The following ATP8A1 variants were observed in gnomAD, a reference collection of about 807,000 sequenced individuals.
ATP8A1 encodes the protein phospholipid-transporting ATPase IA.
Under a neutral mutation model 177.7 loss-of-function variants are expected in ATP8A1, and 90 were observed. The ratio of observed to expected loss-of-function variants is 0.51; its 90% CI spans 0.43 to 0.60. The LOEUF is 0.60. Ranked by LOEUF, ATP8A1 falls within the 20% of genes least tolerant of loss-of-function variation. The probability of loss-of-function intolerance (pLI) is 0.00; values close to 1 mark genes in which losing one functional copy is unlikely to be tolerated. For synonymous variants in ATP8A1, 493 were observed against 485.9 expected (o/e 1.01, Z -0.19); for missense variants, 1,072 against 1,392.8 (o/e 0.77, Z 3.67).
At chr4:42,517,011 C>G (rs919264416) in intron 22 of ATP8A1, among the ~76,000 whole-genome samples, 3 of 151,962 alleles carry the variant, frequency 2.0e-5, no homozygotes, top group African/African-American at 7.2e-5. Context: ...ATTTAAAAAC[C>G]TGATTTAGGC....
chr4:42,568,783 G>GCT (rs1352942895), intron 15 of ATP8A1, among the ~76,000 whole-genome samples: 1 of 152,090 alleles, frequency 6.6e-6, no homozygotes, highest in Non-Finnish European at 1.5e-5. Flanking sequence ...TCTTTTGGTA[G>GCT]CTCTGTAAAG....
At position 42,623,964 on chromosome 4, in the gene ATP8A1, G is replaced by A. The variant is rs980947165; in HGVS notation, c.363+572C>T. ...TTCCTCAAGTAAGACAGTTAAAATA[G>A]ATATAACAGAAAAAAGGCCTGAATT... is the stretch of plus-strand genomic sequence containing the variant. On this transcript the variant is annotated intron_variant, in intron 4 of 36. Coordinates refer to ENST00000381668, the MANE Select transcript of ATP8A1 (RefSeq NM_006095.2). Among the ~76,000 whole-genome samples, 49 of 151,892 alleles carry A rather than the reference G, an allele frequency of 3.2e-4. 1 individual carries two copies. Among genetic ancestry groups the A allele is most frequent in the Non-Finnish European group, 8.8e-5 (6 of 67,980 alleles).
At chr4:42,508,104 A>G (rs887259430) in intron 22 of ATP8A1, among the ~76,000 whole-genome samples, 6 of 152,104 alleles carry the variant, frequency 3.9e-5, no homozygotes, top group African/African-American at 1.4e-4. Context: ...AACACAACCA[A>G]TGGGCTCTGG....
chr4:42,644,700 C>T (rs138124813), intron 1 of ATP8A1, among the ~76,000 whole-genome samples: 5 of 131,482 alleles, frequency 3.8e-5, no homozygotes, highest in African/African-American at 8.7e-5. Context: ...TAGAACCCAG[C>T]GCCCATCAGA....
chr4:42,588,581 G>A (rs977246446), intron 7 of ATP8A1: 1 of 358,232 alleles, frequency 2.8e-6, no homozygotes, highest in Non-Finnish European at 5.1e-6. Context: ...TGGTCTTCAA[G>A]ATAATGCAAA....
chr4:42,580,733 A>G (rs1019596742), intron 10 of ATP8A1, among the ~76,000 whole-genome samples: 1 of 152,174 alleles, frequency 6.6e-6, no homozygotes, highest in African/African-American at 2.4e-5. Flanking sequence ...CTGAGAGCAG[A>G]TTTTCATTTA....
chr4:42,617,830 T>C lies in ATP8A1; in HGVS notation c.364-1752A>G, dbSNP rs16854610. Among the ~76,000 whole-genome samples the C allele has an allele frequency of 8.2e-3, 1,256 of 152,288 alleles. 16 individuals are homozygous for C. The highest frequency in any genetic ancestry group is 0.029 in the African/African-American group (1,210 of 41,570). On this transcript the variant is annotated intron_variant, in intron 4 of 36. Coordinates refer to ENST00000381668, the MANE Select transcript of ATP8A1 (RefSeq NM_006095.2). ...TTCCTCTATCTTCCCATCACAGAAT[T>C]AGGTTACTTGTCATGAAACAAGTGT...
At position 42,586,464 on chromosome 4, in the gene ATP8A1, T is replaced by C. The variant is rs143911156; in HGVS notation, c.607A>G (p.Thr203Ala). 8.2e-5 allele frequency: 133 copies of C among 1,614,076 alleles called. 1 individual carries two copies. In the East Asian group the frequency reaches 2.9e-3, roughly 35 times the overall value. Residue 203 changes from threonine to alanine, a missense_variant, in exon 9 of 37, where the codon ACA (threonine) becomes GCA (alanine). Thr to Ala is a moderately conservative substitution (Grantham distance 58). Transcript: ENST00000381668. Reference sequence around the variant, plus strand: ...CTGTCAACGTCTTTGATATCTGATGTTGCTGGTAAGCCCTGTTTGGAATTT... The same window carrying C: ...CTGTCAACGTCTTTGATATCTGATGCTGCTGGTAAGCCCTGTTTGGAATTT... The part of the protein sequence containing the change: ...NLKIRQGLPA[T>A]SDIKDVDSLM...
intron 27 of ATP8A1, among the ~76,000 whole-genome samples, chr4:42,457,185 C>T (rs564748933): frequency 7.8e-4 from 119 of 152,246 alleles, no homozygotes; most frequent in African/African-American, 2.6e-3. Context: ...AACAAACAGC[C>T]AGATCATTGA....
intron 24 of ATP8A1, among the ~76,000 whole-genome samples, chr4:42,498,275 C>T (rs1049987824): frequency 3.9e-5 from 6 of 152,286 alleles, no homozygotes; most frequent in Admixed American, 3.9e-4. Flanking sequence ...GTTCCCAAAA[C>T]AGTGAGGTCT....
At chr4:42,459,540 G>T (rs554830141) in intron 27 of ATP8A1, 25 of 344,448 alleles carry the variant, frequency 7.3e-5, no homozygotes, top group Admixed American at 6.7e-4. Flanking sequence ...GTTCTGGAAT[G>T]AGAAGAACAT....
intron 24 of ATP8A1, among the ~76,000 whole-genome samples, chr4:42,494,680 A>C (rs1424396064): frequency 7.2e-5 from 11 of 152,126 alleles, no homozygotes; most frequent in African/African-American, 2.7e-4. Flanking sequence ...ATAACTAACC[A>C]CTGATTTTCT....
intron 25 of ATP8A1, among the ~76,000 whole-genome samples, chr4:42,471,310 A>C (rs867441513): frequency 1.6e-4 from 25 of 152,348 alleles, no homozygotes; most frequent in Non-Finnish European, 2.8e-4. Flanking sequence ...CTGTGCAGTC[A>C]TAGGCATTCA....
intron 27 of ATP8A1, among the ~76,000 whole-genome samples, chr4:42,461,244 CTTTCTTTTTT>C: frequency 1.2e-5 from 1 of 84,552 alleles, no homozygotes; most frequent in African/African-American, 4.6e-5. Context: ...TCAATTTTTT[CTTTCTTTTTT>C]TTTTTTTTGC....
chr4:42,648,861 A>G (rs1740814215), intron 1 of ATP8A1, among the ~76,000 whole-genome samples: 1 of 152,210 alleles, frequency 6.6e-6, no homozygotes, highest in African/African-American at 2.4e-5. Context: ...GTAAACTTAA[A>G]GACTTACTTT....
intron 24 of ATP8A1, among the ~76,000 whole-genome samples, chr4:42,488,631 A>C (rs1722439579): frequency 6.6e-6 from 1 of 152,142 alleles, no homozygotes; most frequent in African/African-American, 2.4e-5. Flanking sequence ...ATAAAGTCTA[A>C]ACTCCTTAAA....
chr4:42,513,297 C>T (rs899933195), intron 22 of ATP8A1, among the ~76,000 whole-genome samples: 1 of 152,164 alleles, frequency 6.6e-6, no homozygotes, highest in African/African-American at 2.4e-5. Flanking sequence ...AGAAACAGTG[C>T]TCCCCTGGAA....
intron 22 of ATP8A1, among the ~76,000 whole-genome samples, chr4:42,511,907 T>C (rs554861670): frequency 4.6e-5 from 7 of 152,266 alleles, no homozygotes; most frequent in African/African-American, 9.6e-5. Flanking sequence ...GATTACAACA[T>C]GGGCTATTTG....
rs16854436 is a variant in ATP8A1 at position 42,505,339 on chromosome 4, T to G, written c.2086+1677A>C. Among the ~76,000 whole-genome samples, 1,206 of 152,340 alleles carry G rather than the reference T, an allele frequency of 7.9e-3. 16 individuals are homozygous for G. Among genetic ancestry groups the G allele is most frequent in the African/African-American group, 0.027 (1,133 of 41,588 alleles). On this transcript the variant is annotated intron_variant, in intron 23 of 36. Transcript: ENST00000381668. ...ATGTTACCAGAAACCACTACTATACTCTTTTTTCATAGGAACATTCATAAT... is the reference window on the plus strand; with the variant it reads ...ATGTTACCAGAAACCACTACTATACGCTTTTTTCATAGGAACATTCATAAT...
Sources: allele counts gnomAD v4.1 joint callset (sites outside exome capture counted in the v4.1 genomes callset), GRCh38; gene constraint gnomAD v4.1.1; transcripts MANE v1.5; gene names NCBI Gene and HGNC (gene_info 2026-07-23, HGNC 2026-07-21).